Variants in NDC1 observed in about 807,000 individuals in gnomAD.
NDC1 encodes NDC1 transmembrane nucleoporin, also known as nucleoporin NDC1.
Under a neutral mutation model 89.8 loss-of-function variants are expected in NDC1, and 24 were observed. The observed-to-expected ratio is 0.27, with a 90% CI of 0.19 to 0.38. NDC1 has a LOEUF of 0.38. Ranked by LOEUF, NDC1 falls within the 10% of genes least tolerant of loss-of-function variation. NDC1 has a pLI of 1.00. For missense variants in NDC1, 728 were observed against 797.6 expected (o/e 0.91, Z 1.05); for synonymous variants, 296 against 284.8 (o/e 1.04, Z -0.39).
At chr1:53,786,920 T>C (rs1227966089) in intron 16 of NDC1, among the ~76,000 whole-genome samples, 1 of 151,992 alleles carries the variant, frequency 6.6e-6, no homozygotes, top group African/African-American at 2.4e-5. Context: ...GATCTCAAAC[T>C]CTCCACCTCA....
chr1:53,796,881 A>G lies in NDC1; in HGVS notation c.1468+18T>C, dbSNP rs1232586492. Reference sequence around the variant, plus strand: ...TGCAACATGACATTTAAAATCTTAAAAAATATATAATTCTCACCAGAAGCT... The same window carrying G: ...TGCAACATGACATTTAAAATCTTAAGAAATATATAATTCTCACCAGAAGCT... On this transcript the variant is annotated intron_variant, in intron 12 of 17. Transcript: ENST00000371429. 1 of 1,608,872 alleles carries G rather than the reference A, an allele frequency of 6.2e-7. No individual in the cohort carries two copies. Among genetic ancestry groups the G allele is most frequent in the East Asian group, 2.2e-5 (1 of 44,858 alleles).
chr1:53,828,129 T>C lies in NDC1; in HGVS notation c.325A>G (p.Ile109Val), dbSNP rs754183651. ...PCSRLALIGK[I>V]IHPQQLMHSF... ...TGCATGAGTTGCTGAGGATGAATGATCTTCCCTATCAGAGCTAGTCTGGAG... is the reference window on the plus strand; with the variant it reads ...TGCATGAGTTGCTGAGGATGAATGACCTTCCCTATCAGAGCTAGTCTGGAG... Residue 109 changes from isoleucine (I) to valine (V), a missense_variant, in exon 4 of 18, where the codon ATC (isoleucine) becomes GTC (valine). By Grantham distance (29) the Ile-to-Val change is conservative (BLOSUM62 3). Transcript: ENST00000371429. 6.2e-7 allele frequency: 1 copy of C among 1,614,112 alleles called. No homozygotes were observed. The highest frequency in any genetic ancestry group is 1.1e-5 in the South Asian group (1 of 91,082).
intron 17 of NDC1, among the ~76,000 whole-genome samples, chr1:53,768,709 G>A (rs908624680): frequency 7.2e-5 from 11 of 152,028 alleles, no homozygotes; most frequent in African/African-American, 9.7e-5. Context: ...ATAGGTCACC[G>A]CTTTTAAAAG....
At chr1:53,787,077 T>C (rs1557569501) in intron 16 of NDC1, 81 bp downstream of exon 16, 1 of 660,488 alleles carries the variant, frequency 1.5e-6, no homozygotes, top group Non-Finnish European at 2.7e-6. Flanking sequence ...ACTCGATAAA[T>C]GTGATATATA....
intron 3 of NDC1, among the ~76,000 whole-genome samples, chr1:53,830,879 T>C (rs944621316): frequency 6.7e-6 from 1 of 149,650 alleles, no homozygotes; most frequent in African/African-American, 2.5e-5. Context: ...AAAAAATTCC[T>C]CCCGGTCTGA....
rs1647713377 is a variant in NDC1 at position 53,796,673 on chromosome 1, A to G, written c.1584+16T>C. The G allele has an allele frequency of 6.7e-7, 1 of 1,498,736 alleles. No individual in the cohort carries two copies. The highest frequency in any genetic ancestry group is 9.1e-7 in the Non-Finnish European group (1 of 1,094,946). 92.8% of individuals were successfully genotyped at this position (1,498,736 alleles called of 1,614,324 possible). On this transcript the variant is annotated intron_variant, in intron 13 of 17. Transcript: ENST00000371429. ...TTTTACATGCAAATATAAATCCTAT[A>G]ACCATATCATCCTACCTGTTCACGT...
chr1:53,768,681 C>T (rs980867553), intron 17 of NDC1, among the ~76,000 whole-genome samples: 4 of 152,096 alleles, frequency 2.6e-5, no homozygotes, highest in African/African-American at 4.8e-5. Flanking sequence ...TGAAAAATTC[C>T]GGTTTTCTAG....
intron 11 of NDC1, 96 bp from the exon 12 acceptor site, chr1:53,797,240 A>G (rs1647746395): frequency 4.1e-6 from 5 of 1,218,684 alleles, no homozygotes; most frequent in Non-Finnish European, 5.8e-6. Flanking sequence ...TTTTTGTTTA[A>G]CGCATTTACC....
At chr1:53,819,605 G>A (rs1049588525) in intron 5 of NDC1, among the ~76,000 whole-genome samples, 2 of 152,230 alleles carry the variant, frequency 1.3e-5, no homozygotes, top group African/African-American at 2.4e-5. Flanking sequence ...GCTGGCTTCA[G>A]AGCCTCCAAT....
chr1:53,814,418 C>T (rs1255451735), intron 6 of NDC1, among the ~76,000 whole-genome samples: 1 of 151,794 alleles, frequency 6.6e-6, no homozygotes, highest in African/African-American at 2.4e-5. Flanking sequence ...AATGACACAA[C>T]CTATCAAAAC....
At chr1:53,819,143 T>C in intron 5 of NDC1, 64 bp from the exon 6 acceptor site, 1 of 763,566 alleles carries the variant, frequency 1.3e-6, no homozygotes. Context: ...CAACATCACC[T>C]TAAAGCAAGC....
chr1:53,775,455 C>T (rs1647154781), intron 16 of NDC1, among the ~76,000 whole-genome samples: 1 of 152,148 alleles, frequency 6.6e-6, no homozygotes, highest in South Asian at 2.1e-4. Flanking sequence ...GATAGGGTTT[C>T]ACCATATTGG....
chr1:53,791,031 C>T (rs1647479505), intron 14 of NDC1, among the ~76,000 whole-genome samples: 1 of 152,140 alleles, frequency 6.6e-6, no homozygotes, highest in Non-Finnish European at 1.5e-5. Context: ...TCTCTCCATC[C>T]TCCTCCTACC....
At chr1:53,818,926 G>C in intron 6 of NDC1, 45 bp downstream of exon 6, 2 of 848,216 alleles carry the variant, frequency 2.4e-6, no homozygotes, top group East Asian at 5.1e-5. Context: ...CATTTTCTGG[G>C]CTATGAGATA....
At position 53,767,520 on chromosome 1, in the gene NDC1, G is replaced by C. The variant is rs184259004; in HGVS notation, c.*450C>G. 3 of 152,394 alleles carry C rather than the reference G, an allele frequency of 2.0e-5. No homozygotes were observed. The East Asian group carries it at 5.8e-4, about 29-fold the overall frequency. 9.4% of individuals were successfully genotyped at this position (152,394 alleles called of 1,614,324 possible). A position where few individuals can be genotyped will look rare whatever the true frequency, so the allele number is the denominator to read the frequency against. ...GCACTGTTACCATTTTTATCCTTCA[G>C]TAAATGAAACTACACTTAAAAAGTT... is the stretch of plus-strand genomic sequence containing the variant. On this transcript the variant is annotated 3_prime_UTR_variant, in exon 18 of 18. Transcript: ENST00000371429.
At chr1:53,799,817 G>A (rs555045669) in intron 11 of NDC1, among the ~76,000 whole-genome samples, 1 of 152,250 alleles carries the variant, frequency 6.6e-6, no homozygotes, top group African/African-American at 2.4e-5. Flanking sequence ...CCTTTTATCA[G>A]TCTTACATTC....
chr1:53,819,925 T>G (rs1418834568), intron 5 of NDC1, among the ~76,000 whole-genome samples: 1 of 151,676 alleles, frequency 6.6e-6, no homozygotes, highest in Non-Finnish European at 1.5e-5. Context: ...CATAAAATAC[T>G]AATGATAGCT....
intron 10 of NDC1, among the ~76,000 whole-genome samples, chr1:53,803,232 A>C (rs978032414): frequency 1.3e-5 from 2 of 151,954 alleles, no homozygotes; most frequent in East Asian, 3.9e-4. Flanking sequence ...TGCTGGGCTA[A>C]TTTTTTGTAT....
At chr1:53,798,356 G>A (rs1647795981) in intron 11 of NDC1, among the ~76,000 whole-genome samples, 1 of 150,904 alleles carries the variant, frequency 6.6e-6, no homozygotes, top group Admixed American at 6.6e-5. Flanking sequence ...TTTTAGTAGA[G>A]ACAGGGTTTC....
Sources: allele counts gnomAD v4.1 joint callset (sites outside exome capture counted in the v4.1 genomes callset), GRCh38; gene constraint gnomAD v4.1.1; transcripts MANE v1.5; gene names NCBI Gene and HGNC (gene_info 2026-07-23, HGNC 2026-07-21).